ATRNL1: variants seen among roughly 807,000 people sequenced by gnomAD.
ATRNL1 encodes the protein attractin-like protein 1.
ATRNL1 carries 95 observed loss-of-function variants against 182.7 expected under a neutral mutation model. The observed-to-expected ratio is 0.52, with a 90% CI of 0.44 to 0.62. The LOEUF (loss-of-function observed/expected upper bound fraction) is 0.62. Ranked by LOEUF, ATRNL1 falls within the 20% of genes least tolerant of loss-of-function variation. The probability of loss-of-function intolerance (pLI) is 0.00; values close to 1 mark genes in which losing one functional copy is unlikely to be tolerated. For missense variants in ATRNL1, 1,471 were observed against 1,679.5 expected, an observed-to-expected ratio of 0.88 and a Z score of 2.17; for synonymous variants, 576 against 568.3, an observed-to-expected ratio of 1.01 and a Z score of -0.19.
At chr10:115,744,605 AT>A (rs1364252040) in intron 27 of ATRNL1, among the ~76,000 whole-genome samples, 1 of 152,102 alleles carries the variant, frequency 6.6e-6, no homozygotes, top group Non-Finnish European at 1.5e-5. Context: ...TAATAAAGAT[AT>A]TTCATTATAT....
intron 26 of ATRNL1, among the ~76,000 whole-genome samples, chr10:115,713,393 A>C (rs138504806): frequency 6.6e-6 from 1 of 151,752 alleles, no homozygotes; most frequent in Admixed American, 6.6e-5. Flanking sequence ...AGCATATTAG[A>C]TGATAGAGAA....
chr10:115,106,443 A>G (rs531616467), intron 1 of ATRNL1, among the ~76,000 whole-genome samples: 2 of 152,028 alleles, frequency 1.3e-5, no homozygotes, highest in African/African-American at 4.8e-5. Flanking sequence ...GGAAAGCATC[A>G]TTTGTTTTGA....
At chr10:115,147,663 G>GT in intron 5 of ATRNL1, among the ~76,000 whole-genome samples, 1 of 151,878 alleles carries the variant, frequency 6.6e-6, no homozygotes, top group East Asian at 1.9e-4. Flanking sequence ...AGAGATAAGG[G>GT]GTGTAGTTTC....
chr10:115,703,243 A>C (rs1355644110), intron 26 of ATRNL1, among the ~76,000 whole-genome samples: 2 of 151,992 alleles, frequency 1.3e-5, no homozygotes, highest in Non-Finnish European at 2.9e-5. Context: ...ACCTTTCACC[A>C]TATACAAAAA....
At chr10:115,163,978 G>A (rs1241565935) in intron 6 of ATRNL1, among the ~76,000 whole-genome samples, 1 of 152,166 alleles carries the variant, frequency 6.6e-6, no homozygotes, top group Non-Finnish European at 1.5e-5. Context: ...CCTTTCTTGT[G>A]AAGGGGCACT....
At chr10:115,515,966 G>C (rs1372514184) in intron 24 of ATRNL1, among the ~76,000 whole-genome samples, 3 of 151,598 alleles carry the variant, frequency 2.0e-5, no homozygotes, top group Non-Finnish European at 3.0e-5. Flanking sequence ...TCTAATGATG[G>C]GGTGGCCCTG....
At chr10:115,133,679 G>C (rs763300213) in intron 5 of ATRNL1, among the ~76,000 whole-genome samples, 40 of 152,246 alleles carry the variant, frequency 2.6e-4, no homozygotes, top group Middle Eastern at 3.4e-3. Context: ...ATTGAACTCA[G>C]CTCTGCACCA....
Position 115,747,819 on chromosome 10 carries a change from A to G in ATRNL1, c.3903+20464A>G, listed in dbSNP as rs543560628. Among the ~76,000 whole-genome samples the G allele has an allele frequency of 2.5e-4, 38 of 152,128 alleles. No individual in the cohort carries two copies. In the South Asian group the frequency reaches 5.0e-3, roughly 20 times the overall value. On this transcript the variant is annotated intron_variant, in intron 27 of 28. Coordinates refer to ENST00000355044, the MANE Select transcript of ATRNL1 (RefSeq NM_207303.4). ...GTAAGTTCAAGATCAAGGCACTGGC[A>G]CATTCAGTATCTGGTGAGGGCCCAA...
chr10:115,894,031 A>G (rs1258664820), intron 28 of ATRNL1, among the ~76,000 whole-genome samples: 1 of 152,162 alleles, frequency 6.6e-6, no homozygotes, highest in Non-Finnish European at 1.5e-5. Context: ...AGGGGAATAG[A>G]TGGAAATTTC....
intron 27 of ATRNL1, among the ~76,000 whole-genome samples, chr10:115,746,402 A>C (rs1399981287): frequency 6.6e-6 from 1 of 152,090 alleles, no homozygotes; most frequent in East Asian, 1.9e-4. Context: ...GCATTTATTC[A>C]ATAAGCAATA....
intron 28 of ATRNL1, among the ~76,000 whole-genome samples, chr10:115,867,084 A>G (rs1555104906): frequency 6.6e-6 from 1 of 152,226 alleles, no homozygotes; most frequent in East Asian, 1.9e-4. Context: ...AGATGAATGT[A>G]ACTGCCTTTC....
chr10:115,785,499 T>C (rs1949374239), intron 27 of ATRNL1, among the ~76,000 whole-genome samples: 1 of 152,226 alleles, frequency 6.6e-6, no homozygotes, highest in Non-Finnish European at 1.5e-5. Flanking sequence ...TGTTGATTGC[T>C]CATGCAATTC....
chr10:115,292,929 C>T (rs1852987861), intron 15 of ATRNL1, among the ~76,000 whole-genome samples: 1 of 152,136 alleles, frequency 6.6e-6, no homozygotes, highest in Admixed American at 6.5e-5. Flanking sequence ...TCTAGATCAT[C>T]TGTCCAATGC....
chr10:115,266,407 TTATC>T (rs1211248945), intron 11 of ATRNL1, among the ~76,000 whole-genome samples: 1 of 151,620 alleles, frequency 6.6e-6, no homozygotes, highest in African/African-American at 2.4e-5. Flanking sequence ...TGTATAGCTA[TTATC>T]TATTTTTTTA....
At chr10:115,459,853 C>A (rs1475222399) in intron 21 of ATRNL1, among the ~76,000 whole-genome samples, 1 of 151,914 alleles carries the variant, frequency 6.6e-6, no homozygotes, top group East Asian at 1.9e-4. Flanking sequence ...CCCCAGACAC[C>A]CAGCTTTAAA....
chr10:115,699,875 C>A (rs1396700955), intron 26 of ATRNL1, among the ~76,000 whole-genome samples: 1 of 152,066 alleles, frequency 6.6e-6, no homozygotes, highest in African/African-American at 2.4e-5. Context: ...CTGTCTGTTG[C>A]TGTCATCATT....
chr10:115,771,262 A>T (rs1369155807), intron 27 of ATRNL1, among the ~76,000 whole-genome samples: 1 of 143,548 alleles, frequency 7.0e-6, no homozygotes, highest in Non-Finnish European at 1.5e-5. Flanking sequence ...ACAGAGTCTC[A>T]CTCTTTCGCC....
chr10:115,706,849 T>A (rs1555053187), intron 26 of ATRNL1, among the ~76,000 whole-genome samples: 1 of 151,868 alleles, frequency 6.6e-6, no homozygotes, highest in East Asian at 1.9e-4. Flanking sequence ...AGATATTAAT[T>A]TGAGCTACTT....
intron 26 of ATRNL1, among the ~76,000 whole-genome samples, chr10:115,599,679 A>C (rs1008984947): frequency 8.5e-5 from 13 of 152,166 alleles, no homozygotes; most frequent in Non-Finnish European, 1.2e-4. Flanking sequence ...ACTGTGCAAA[A>C]GGCAAATGGA....
Sources: allele counts gnomAD v4.1 joint callset (sites outside exome capture counted in the v4.1 genomes callset), GRCh38; gene constraint gnomAD v4.1.1; transcripts MANE v1.5; gene names NCBI Gene and HGNC (gene_info 2026-07-23, HGNC 2026-07-21).